Variants in TSC22D1 observed in about 807,000 individuals in gnomAD.
TSC22D1 encodes the protein TSC22 domain family protein 1.
A neutral mutation model predicts 74.2 loss-of-function variants in TSC22D1; 9 were observed. That is an observed-to-expected ratio of 0.12 (90% CI 0.07 to 0.21). The LOEUF is 0.21. Ranked by LOEUF, TSC22D1 falls within the 10% of genes least tolerant of loss-of-function variation. TSC22D1 has a pLI of 1.00. For missense variants in TSC22D1, 1,427 were observed against 1,304.7 expected (o/e 1.09, Z -1.44); for synonymous variants, 586 against 492.5 (o/e 1.19, Z -2.51).
Position 44,573,876 on chromosome 13 carries a change from A to C in TSC22D1, c.2199T>G (p.Gly733=). The stretch of plus-strand genomic sequence containing the variant: ...CTGCAGTAGGTATGTTTGCTTGCTG[A>C]CCAATATTTGCAATCTGACTGCCAG... ...VPTGSQIANI[G]QQANIPTAVQ... is the part of the protein sequence containing the mutation. The change falls in exon 1 of 3, where the codon GGT becomes GGG. Residue 733 remains glycine (G), a synonymous_variant. Coordinates refer to ENST00000458659, the MANE Select transcript of TSC22D1 (RefSeq NM_183422.4). The C allele has an allele frequency of 6.2e-7, 1 of 1,614,182 alleles. No homozygotes were observed. The highest frequency in any genetic ancestry group is 8.5e-7 in the Non-Finnish European group (1 of 1,180,024).
At chr13:44,521,116 T>C (rs1358932223) in intron 1 of TSC22D1, among the ~76,000 whole-genome samples, 2 of 152,320 alleles carry the variant, frequency 1.3e-5, no homozygotes, top group East Asian at 1.9e-4. Flanking sequence ...AGACCTCTTA[T>C]TGGGCTTAAG....
Position 44,432,650 on chromosome 13 carries a change from C to T in TSC22D1, c.*1976G>A, listed in dbSNP as rs1874143853. 6.6e-6 allele frequency: 1 copy of T among 152,178 alleles called. No homozygotes were observed. Among genetic ancestry groups the T allele is most frequent in the Non-Finnish European group, 1.5e-5 (1 of 68,032 alleles). 9.4% of individuals were successfully genotyped at this position (152,178 alleles called of 1,614,324 possible). ...TTGGATGTCCCATTCACCTCTCAAT[C>T]TCCCACCAGCTCTAGATGAGAGAAA... On this transcript the variant is annotated 3_prime_UTR_variant, in exon 3 of 3. Coordinates refer to ENST00000458659, the MANE Select transcript of TSC22D1 (RefSeq NM_183422.4).
chr13:44,533,197 C>G (rs9595144), intron 1 of TSC22D1, among the ~76,000 whole-genome samples: 25,234 of 151,902 alleles, frequency 0.17, 2,630 homozygotes, highest in African/African-American at 0.3. Flanking sequence ...ATGATGGCCG[C>G]TGCCTGTAAT....
At chr13:44,530,196 T>C (rs771114406) in intron 1 of TSC22D1, among the ~76,000 whole-genome samples, 22 of 152,194 alleles carry the variant, frequency 1.4e-4, no homozygotes, top group Middle Eastern at 3.4e-3. Flanking sequence ...CAGTATGATA[T>C]TGGCAAAGAA....
At chr13:44,561,707 T>C (rs1201652485) in intron 1 of TSC22D1, among the ~76,000 whole-genome samples, 1 of 152,200 alleles carries the variant, frequency 6.6e-6, no homozygotes, top group Non-Finnish European at 1.5e-5. Flanking sequence ...TACCTTGTTA[T>C]ACTTTTCCCA....
intron 1 of TSC22D1, chr13:44,474,098 T>C: frequency 3.1e-6 from 1 of 321,246 alleles, no homozygotes; most frequent in Non-Finnish European, 4.5e-6. Context: ...AACTGAACCT[T>C]ATTTCACCCT....
At chr13:44,476,396 GAAT>G (rs1877911315) in intron 1 of TSC22D1, among the ~76,000 whole-genome samples, 1 of 151,888 alleles carries the variant, frequency 6.6e-6, no homozygotes, top group African/African-American at 2.4e-5. Flanking sequence ...GAAATAAACA[GAAT>G]AATGAAGTGA....
Position 44,551,310 on chromosome 13 carries a change from G to GGGGT in TSC22D1, c.2912+21852_2912+21853insACCC, listed in dbSNP as rs1555272439. On this transcript the variant is annotated intron_variant, in intron 1 of 2. Coordinates refer to ENST00000458659, the MANE Select transcript of TSC22D1 (RefSeq NM_183422.4). ...AAACCCAAAACCCCAATCAGCTGGG[G>GGGGT]GTGTGTGTGTGTGTGTGTGTGTGTG... Among the ~76,000 whole-genome samples, 276 of 132,856 alleles carry GGGGT rather than the reference G, an allele frequency of 2.1e-3. 2 individuals are homozygous for GGGGT. Among genetic ancestry groups the GGGGT allele is most frequent in the South Asian group, 8.3e-3 (32 of 3,862 alleles). 87.2% of individuals were successfully genotyped at this position (132,856 alleles called of 152,430 possible).
chr13:44,575,213 A>T lies in TSC22D1; in HGVS notation c.862T>A (p.Ser288Thr). Reference protein sequence around the residue: ...SAVSSSGSPASVMTNMRAPST... With the variant: ...SAVSSSGSPATVMTNMRAPST... ...GGAGCACGCATATTAGTCATTACAG[A>T]TGCAGGTGAACCACTGGATGATACA... The change falls in exon 1 of 3, where the codon TCT becomes ACT. Residue 288 changes from serine to threonine, a missense_variant. Transcript: ENST00000458659. 2 of 1,614,048 alleles carry T rather than the reference A, an allele frequency of 1.2e-6. No individual in the cohort carries two copies. The highest frequency in any genetic ancestry group is 1.1e-5 in the South Asian group (1 of 91,090).
intron 1 of TSC22D1, among the ~76,000 whole-genome samples, chr13:44,533,469 A>AAAC: frequency 6.9e-6 from 1 of 144,452 alleles, no homozygotes; most frequent in African/African-American, 2.5e-5. Context: ...AATAAAATTA[A>AAAC]AAAAAAAAAA....
rs576371280 is a variant in TSC22D1, at chr13:44,472,719, G to A, written c.2913-36624C>T. 3.9e-5 allele frequency among the ~76,000 whole-genome samples: 6 copies of A among 152,284 alleles called. No homozygotes were observed. In the East Asian group the frequency reaches 9.7e-4, roughly 25 times the overall value. On this transcript the variant is annotated intron_variant, in intron 1 of 2. Coordinates refer to ENST00000458659, the MANE Select transcript of TSC22D1 (RefSeq NM_183422.4). ...CCCTGGAGGCTGAGGTGGGAGGACT[G>A]CCTTTGCCTGAGCCTGGGAGGTTGA...
intron 1 of TSC22D1, among the ~76,000 whole-genome samples, chr13:44,504,849 G>A (rs1004921910): frequency 1.6e-4 from 24 of 152,102 alleles, no homozygotes; most frequent in African/African-American, 5.3e-4. Context: ...GTACTAAAAA[G>A]CTCTATCAAA....
At chr13:44,513,847 G>T (rs2138018133) in intron 1 of TSC22D1, among the ~76,000 whole-genome samples, 2 of 152,276 alleles carry the variant, frequency 1.3e-5, no homozygotes, top group South Asian at 4.1e-4. Flanking sequence ...CAGATGACAA[G>T]TTACTTCAGT....
At position 44,434,369 on chromosome 13, in the gene TSC22D1, C is replaced by G. The variant is rs1341119947; in HGVS notation, c.*257G>C. 1 of 1,374,752 alleles carries G rather than the reference C, an allele frequency of 7.3e-7. No individual in the cohort carries two copies. Among genetic ancestry groups the G allele is most frequent in the East Asian group, 2.8e-5 (1 of 35,130 alleles). 85.2% of individuals were successfully genotyped at this position (1,374,752 alleles called of 1,614,324 possible). Reference sequence around the variant, plus strand: ...ATGAATTAAACCATTTCTCAGATATCTGCCAAGCTGCATGAGGTCCCGGTA... The same window carrying G: ...ATGAATTAAACCATTTCTCAGATATGTGCCAAGCTGCATGAGGTCCCGGTA... On this transcript the variant is annotated 3_prime_UTR_variant, in exon 3 of 3. Transcript: ENST00000458659.
At chr13:44,439,896 T>C (rs960162250) in intron 1 of TSC22D1, among the ~76,000 whole-genome samples, 1 of 152,210 alleles carries the variant, frequency 6.6e-6, no homozygotes, top group Non-Finnish European at 1.5e-5. Flanking sequence ...ACCGGTACAG[T>C]TGGAGATTCA....
intron 1 of TSC22D1, among the ~76,000 whole-genome samples, chr13:44,452,103 A>C (rs997722806): frequency 1.3e-5 from 2 of 152,220 alleles, no homozygotes; most frequent in Admixed American, 1.3e-4. Flanking sequence ...GAAGAGGAGA[A>C]CTTTGAACAA....
intron 1 of TSC22D1, among the ~76,000 whole-genome samples, chr13:44,453,278 T>A (rs752240208): frequency 1.1e-4 from 7 of 61,488 alleles, no homozygotes; most frequent in Admixed American, 2.1e-4. Context: ...CCACTCCTCG[T>A]TTCTGCTTAA....
At chr13:44,499,787 A>C (rs1272340763) in intron 1 of TSC22D1, among the ~76,000 whole-genome samples, 1 of 152,128 alleles carries the variant, frequency 6.6e-6, no homozygotes, top group Non-Finnish European at 1.5e-5. Flanking sequence ...GCAATTGGCT[A>C]CTAAAAAGCT....
Position 44,524,558 on chromosome 13 carries a change from T to C in TSC22D1, c.2912+48605A>G, listed in dbSNP as rs148703747. ...CACTTCCATGATTTTTTTTGTTTGTTTGTTTGAGATGGAGTTTCACTCTTG... is the reference window on the plus strand; with the variant it reads ...CACTTCCATGATTTTTTTTGTTTGTCTGTTTGAGATGGAGTTTCACTCTTG... On this transcript the variant is annotated intron_variant, in intron 1 of 2. Transcript: ENST00000458659. 1.7e-3 allele frequency among the ~76,000 whole-genome samples: 260 copies of C among 152,294 alleles called. 1 individual carries two copies. Among genetic ancestry groups the C allele is most frequent in the African/African-American group, 5.8e-3 (243 of 41,554 alleles).
Sources: allele counts gnomAD v4.1 joint callset (sites outside exome capture counted in the v4.1 genomes callset), GRCh38; gene constraint gnomAD v4.1.1; transcripts MANE v1.5; gene names NCBI Gene and HGNC (gene_info 2026-07-23, HGNC 2026-07-21).